TMED5: variants seen among roughly 807,000 people sequenced by gnomAD.
TMED5 encodes transmembrane p24 trafficking protein 5.
TMED5 carries 27 observed loss-of-function variants against 23.0 expected under a neutral mutation model. The observed-to-expected ratio is 1.17, with a 90% CI of 0.86 to 1.62. The LOEUF (loss-of-function observed/expected upper bound fraction) is 1.62, where lower values mean the gene tolerates loss of function less well. Ranked by LOEUF, TMED5 falls within the 40% of genes most tolerant of loss-of-function variation. The pLI is 0.00. For synonymous variants in TMED5, 97 were observed against 100.8 expected, an observed-to-expected ratio of 0.96 and a Z score of 0.23; for missense variants, 248 against 273.7, an observed-to-expected ratio of 0.91 and a Z score of 0.66.
At chr1:93,155,175 A>G (rs972824755) in intron 3 of TMED5, among the ~76,000 whole-genome samples, 3 of 152,304 alleles carry the variant, frequency 2.0e-5, no homozygotes, top group Admixed American at 6.5e-5. Flanking sequence ...GCAATGAGCC[A>G]TAATGGTGCC....
At chr1:93,178,030 C>G (rs1031979494) in intron 1 of TMED5, among the ~76,000 whole-genome samples, 1 of 152,198 alleles carries the variant, frequency 6.6e-6, no homozygotes, top group Non-Finnish European at 1.5e-5. Flanking sequence ...GACTATTTCA[C>G]TAGCCCTCTA....
chr1:93,159,439 T>G (rs1298239830), intron 2 of TMED5, among the ~76,000 whole-genome samples: 1 of 152,116 alleles, frequency 6.6e-6, no homozygotes, highest in Non-Finnish European at 1.5e-5. Flanking sequence ...ACTCACAGTT[T>G]AAACATATAA....
intron 1 of TMED5, among the ~76,000 whole-genome samples, chr1:93,163,818 A>G (rs1648384003): frequency 6.6e-6 from 1 of 151,602 alleles, no homozygotes; most frequent in Non-Finnish European, 1.5e-5. Context: ...TCTAATAAAA[A>G]AAAAAAATAC....
At chr1:93,164,925 T>C (rs1430297877) in intron 1 of TMED5, among the ~76,000 whole-genome samples, 2 of 152,228 alleles carry the variant, frequency 1.3e-5, no homozygotes, top group African/African-American at 2.4e-5. Flanking sequence ...TGTCCTCTCT[T>C]GCTGGCACTT....
chr1:93,180,370 C>A lies in TMED5; in HGVS notation c.-128G>T, dbSNP rs1464466882. ...CTGAAGAAACTCCAGGTGGCGGCCG[C>A]GGCGGCGGCGAACACTCCCTCCGAA... On this transcript the variant is annotated 5_prime_UTR_variant, in exon 1 of 4. Coordinates refer to ENST00000370282, the MANE Select transcript of TMED5 (RefSeq NM_016040.5). 3.9e-6 allele frequency: 5 copies of A among 1,297,134 alleles called. No homozygotes were observed. The East Asian group carries it at 1.4e-4, about 35-fold the overall frequency. 80.4% of individuals were successfully genotyped at this position (1,297,134 alleles called of 1,614,324 possible).
intron 1 of TMED5, among the ~76,000 whole-genome samples, chr1:93,168,393 C>A (rs1189243931): frequency 3.3e-5 from 5 of 152,104 alleles, no homozygotes; most frequent in African/African-American, 1.2e-4. Flanking sequence ...CACAAGAAAC[C>A]AACTTTAAAT....
chr1:93,170,952 G>A (rs540962460), intron 1 of TMED5, among the ~76,000 whole-genome samples: 2 of 152,298 alleles, frequency 1.3e-5, no homozygotes, highest in South Asian at 4.1e-4. Flanking sequence ...GCGAAATGTG[G>A]GTGGGGCCAG....
intron 1 of TMED5, among the ~76,000 whole-genome samples, chr1:93,169,458 G>A (rs1648621155): frequency 1.3e-5 from 2 of 151,902 alleles, no homozygotes; most frequent in African/African-American, 4.8e-5. Flanking sequence ...TATTAGAAAA[G>A]AAGAAAGATG....
rs369982975 is a variant in TMED5, at chr1:93,165,716, A to G, written c.190-5490T>C. ...TTTGTGTTACAAATAATCCAGTTAT[A>G]CTCTTTTAGTTATTTTAAAATGTAC... On this transcript the variant is annotated intron_variant, in intron 1 of 3. Coordinates refer to ENST00000370282, the MANE Select transcript of TMED5 (RefSeq NM_016040.5). Among the ~76,000 whole-genome samples, 6 of 152,292 alleles carry G rather than the reference A, an allele frequency of 3.9e-5. No individual in the cohort carries two copies. The East Asian group carries it at 9.6e-4, about 24-fold the overall frequency.
chr1:93,159,010 C>A, intron 2 of TMED5: 1 of 221,272 alleles, frequency 4.5e-6, no homozygotes, highest in Non-Finnish European at 7.6e-6. Context: ...AGGTAAAATG[C>A]CATTTAAAAT....
At chr1:93,163,981 C>CAA (rs564350861) in intron 1 of TMED5, among the ~76,000 whole-genome samples, 1,740 of 56,420 alleles carry the variant, frequency 0.031, 17 homozygotes, top group Non-Finnish European at 0.047. Flanking sequence ...GACTCCATCT[C>CAA]AAAAAAAAAA....
At chr1:93,169,033 C>A (rs6685271) in intron 1 of TMED5, among the ~76,000 whole-genome samples, 93,251 of 151,452 alleles carry the variant, frequency 0.62, 29,065 homozygotes, top group South Asian at 0.69. Flanking sequence ...AGTAATTGAC[C>A]AAGCCAAGAG....
At chr1:93,169,882 T>TACACACACACACACACACACAC (rs59467244) in intron 1 of TMED5, among the ~76,000 whole-genome samples, 17 of 130,602 alleles carry the variant, frequency 1.3e-4, no homozygotes, top group East Asian at 9.7e-4. Context: ...ACCCTGTCTG[T>TACACACACACACACACACACAC]ACACACACAC....
intron 1 of TMED5, chr1:93,163,144 T>G (rs1648346059): frequency 9.8e-6 from 1 of 101,670 alleles, no homozygotes; most frequent in Non-Finnish European, 2.6e-5. Context: ...CAAAACATTC[T>G]CAAAGAATTA....
rs1415724158 is a variant in TMED5 at position 93,150,015 on chromosome 1, T to C, written c.*4655A>G. On this transcript the variant is annotated 3_prime_UTR_variant, in exon 4 of 4. Coordinates refer to ENST00000370282, the MANE Select transcript of TMED5 (RefSeq NM_016040.5). Reference sequence around the variant, plus strand: ...ATATGTATATACCAACATACTAATATGTTTCAGCTATAAATACTTCTAACA... The same window carrying C: ...ATATGTATATACCAACATACTAATACGTTTCAGCTATAAATACTTCTAACA... The C allele has an allele frequency of 1.3e-5, 2 of 152,148 alleles. No homozygotes were observed. Among genetic ancestry groups the C allele is most frequent in the Non-Finnish European group, 1.5e-5 (1 of 68,026 alleles). 9.4% of individuals were successfully genotyped at this position (152,148 alleles called of 1,614,324 possible).
chr1:93,168,804 G>C (rs903132666), intron 1 of TMED5, among the ~76,000 whole-genome samples: 2 of 152,180 alleles, frequency 1.3e-5, no homozygotes, highest in Non-Finnish European at 2.9e-5. Context: ...CACTGCACTA[G>C]AGCCTGGGCG....
Position 93,153,552 on chromosome 1 carries a change from TTA to T in TMED5, c.*1116_*1117del, listed in dbSNP as rs929171293. On this transcript the variant is annotated 3_prime_UTR_variant, in exon 4 of 4. Coordinates refer to ENST00000370282, the MANE Select transcript of TMED5 (RefSeq NM_016040.5). The stretch of plus-strand genomic sequence containing the variant: ...CTGGAAATTAATCATCTCCTTTGAT[TTA>T]TGTTATGAGTAGGATGTCATGATGA... The T allele has an allele frequency of 7.2e-5, 11 of 152,146 alleles. No individual in the cohort carries two copies. The highest frequency in any genetic ancestry group is 5.9e-4 in the Admixed American group (9 of 15,270). The allele number at this position is 152,146 out of a possible 1,614,324, so 9.4% of individuals were successfully genotyped here.
chr1:93,156,035 C>T lies in TMED5; in HGVS notation c.471+265G>A, dbSNP rs978571995. The T allele has an allele frequency of 1.4e-5, 20 of 1,439,722 alleles. No homozygotes were observed. Among genetic ancestry groups the T allele is most frequent in the Non-Finnish European group, 1.7e-5 (18 of 1,082,276 alleles). 89.2% of individuals were successfully genotyped at this position (1,439,722 alleles called of 1,614,324 possible). Reference sequence around the variant, plus strand: ...ACTGCACATTTATAAAACAAACTTACCAAGATGCAGTCTTATTTGCACATC... The same window carrying T: ...ACTGCACATTTATAAAACAAACTTATCAAGATGCAGTCTTATTTGCACATC... On this transcript the variant is annotated intron_variant, in intron 3 of 3. Coordinates refer to ENST00000370282, the MANE Select transcript of TMED5 (RefSeq NM_016040.5).
intron 1 of TMED5, among the ~76,000 whole-genome samples, chr1:93,169,920 A>ACACAC (rs1553159711): frequency 1.0e-4 from 4 of 39,236 alleles, no homozygotes; most frequent in Non-Finnish European, 6.2e-5. Flanking sequence ...CACACACACA[A>ACACAC]AATTAGGCAG....
Sources: gnomAD v4.1 joint callset for allele counts (sites outside exome capture counted in the v4.1 genomes callset) on GRCh38, gnomAD v4.1.1 for gene constraint, MANE v1.5 for transcripts, NCBI Gene and HGNC (gene_info 2026-07-23, HGNC 2026-07-21) for gene names.